CFAP90: variants seen among roughly 807,000 people sequenced by gnomAD.
CFAP90 encodes cilia and flagella associated protein 90.
At chr5:7,831,749 G>T in the CFAP90 span, 1 of 1,168,878 alleles carries the variant, frequency 8.6e-7, no homozygotes, top group Non-Finnish European at 1.2e-6. Flanking sequence ...GCTCCTAGGC[G>T]TCATGAGAAG....
At chr5:7,837,013 C>T in the CFAP90 span, among the ~76,000 whole-genome samples, 5 of 152,108 alleles carry the variant, frequency 3.3e-5, no homozygotes, top group South Asian at 2.1e-4. Flanking sequence ...GCAAACCCCT[C>T]TCTTGAGAGA....
the CFAP90 span, chr5:7,831,893 G>C: frequency 6.2e-7 from 1 of 1,613,854 alleles, no homozygotes; most frequent in Non-Finnish European, 8.5e-7. Flanking sequence ...CTTGAGGCTG[G>C]GGATGTCGTT....
chr5:7,839,294 C>G, the CFAP90 span, among the ~76,000 whole-genome samples: 1 of 152,140 alleles, frequency 6.6e-6, no homozygotes, highest in Non-Finnish European at 1.5e-5. Context: ...CCATATCACC[C>G]AGGTCTGAGG....
chr5:7,840,329 G>A, the CFAP90 span, among the ~76,000 whole-genome samples: 1 of 152,114 alleles, frequency 6.6e-6, no homozygotes, highest in Non-Finnish European at 1.5e-5. Context: ...AGATGCTGTG[G>A]GTAGAGTGGA....
the CFAP90 span, among the ~76,000 whole-genome samples, chr5:7,839,354 C>G: frequency 6.6e-6 from 1 of 152,190 alleles, no homozygotes; most frequent in South Asian, 2.1e-4. Flanking sequence ...AATAGATCCT[C>G]CAGTGGCTGC....
the CFAP90 span, among the ~76,000 whole-genome samples, chr5:7,840,034 A>T: frequency 6.6e-6 from 1 of 151,656 alleles, no homozygotes; most frequent in Non-Finnish European, 1.5e-5. Context: ...ACCAGTTGGG[A>T]TTTAGATGCT....
the CFAP90 span, among the ~76,000 whole-genome samples, chr5:7,833,042 G>A: frequency 6.6e-6 from 1 of 152,356 alleles, no homozygotes; most frequent in Admixed American, 6.5e-5. Flanking sequence ...AGGTTAAGCA[G>A]AGACTTGTTT....
the CFAP90 span, among the ~76,000 whole-genome samples, chr5:7,849,452 G>A: frequency 6.6e-6 from 1 of 152,144 alleles, no homozygotes; most frequent in Non-Finnish European, 1.5e-5. Flanking sequence ...CAAGCCACCA[G>A]GACAGCTAGA....
the CFAP90 span, among the ~76,000 whole-genome samples, chr5:7,834,968 C>T: frequency 1.1e-4 from 17 of 152,154 alleles, no homozygotes; most frequent in African/African-American, 3.6e-4. Flanking sequence ...CACACACACA[C>T]GTACAAGCAT....
chr5:7,844,715 T>C, the CFAP90 span, among the ~76,000 whole-genome samples: 1 of 152,166 alleles, frequency 6.6e-6, no homozygotes, highest in Non-Finnish European at 1.5e-5. Flanking sequence ...TGCTGGATAA[T>C]GGGGAGTTGC....
chr5:7,831,111 A>G, the CFAP90 span: 1 of 152,172 alleles, frequency 6.6e-6, no homozygotes. Context: ...CTAGAACACA[A>G]ATCTAGAAAA....
At chr5:7,848,198 C>T in the CFAP90 span, among the ~76,000 whole-genome samples, 1 of 152,098 alleles carries the variant, frequency 6.6e-6, no homozygotes, top group Non-Finnish European at 1.5e-5. Context: ...AAAATGAAGT[C>T]CCTGGTGGCA....
At chr5:7,837,227 T>C in the CFAP90 span, among the ~76,000 whole-genome samples, 7 of 152,110 alleles carry the variant, frequency 4.6e-5, no homozygotes, top group African/African-American at 1.7e-4. Context: ...TTTTTCTGAG[T>C]ACAAAAGAAA....
At chr5:7,836,384 C>T in the CFAP90 span, among the ~76,000 whole-genome samples, 2 of 152,110 alleles carry the variant, frequency 1.3e-5, no homozygotes, top group Non-Finnish European at 2.9e-5. Flanking sequence ...CAAGGGCAGA[C>T]GTCTTCTCTG....
the CFAP90 span, among the ~76,000 whole-genome samples, chr5:7,849,773 G>A: frequency 1.3e-5 from 2 of 152,272 alleles, 1 homozygote; most frequent in Middle Eastern, 6.8e-3. Context: ...AGCCCTCCCT[G>A]CAGGCGGCTC....
At chr5:7,834,287 A>G in the CFAP90 span, among the ~76,000 whole-genome samples, 2 of 152,146 alleles carry the variant, frequency 1.3e-5, no homozygotes, top group African/African-American at 2.4e-5. Context: ...CTTAGTTTTT[A>G]ACCAAAAACT....
At chr5:7,830,864 A>G in the CFAP90 span, 1 of 152,222 alleles carries the variant, frequency 6.6e-6, no homozygotes, top group Non-Finnish European at 1.5e-5. Context: ...GTAAGTTTCA[A>G]ATTATCTCCA....
At chr5:7,844,155 T>C in the CFAP90 span, among the ~76,000 whole-genome samples, 4 of 152,134 alleles carry the variant, frequency 2.6e-5, no homozygotes, top group African/African-American at 9.7e-5. Context: ...CTACCTGCCC[T>C]GGAGGAAGAT....
the CFAP90 span, chr5:7,831,604 C>A: frequency 2.6e-6 from 1 of 382,966 alleles, no homozygotes; most frequent in Non-Finnish European, 4.7e-6. Flanking sequence ...ATAATTCCAG[C>A]TGAAAATCAT....
Sources: allele counts gnomAD v4.1 joint callset (sites outside exome capture counted in the v4.1 genomes callset), GRCh38; gene constraint gnomAD v4.1.1; transcripts MANE v1.5; gene names NCBI Gene and HGNC (gene_info 2026-07-23, HGNC 2026-07-21).